The following PTPRZ1 variants were observed in gnomAD, a reference collection of about 807,000 sequenced individuals.
PTPRZ1 encodes the protein protein tyrosine phosphatase receptor type Z1.
Under a neutral mutation model 214.1 loss-of-function variants are expected in PTPRZ1, and 82 were observed. That is an observed-to-expected ratio of 0.38 (90% CI 0.32 to 0.46). PTPRZ1 has a LOEUF of 0.46. Ranked by LOEUF, PTPRZ1 falls within the 20% of genes least tolerant of loss-of-function variation. The pLI is 1.00. For synonymous variants in PTPRZ1, 945 were observed against 987.9 expected, an observed-to-expected ratio of 0.96 and a Z score of 0.81; for missense variants, 2,603 against 2,748.7, an observed-to-expected ratio of 0.95 and a Z score of 1.19.
chr7:121,873,317 C>CTCTCTCTGTCTCTGTCTCTG lies in PTPRZ1; in HGVS notation c.-176_-175insGTCTCTGTCTCTGTCTCTCT, dbSNP rs1793937297. 3 of 484,350 alleles carry CTCTCTCTGTCTCTGTCTCTG rather than the reference C, an allele frequency of 6.2e-6. No homozygotes were observed. Among genetic ancestry groups the CTCTCTCTGTCTCTGTCTCTG allele is most frequent in the South Asian group, 5.9e-5 (2 of 34,002 alleles). The allele number at this position is 484,350 out of a possible 1,614,324, so 30.0% of individuals were successfully genotyped here. On this transcript the variant is annotated 5_prime_UTR_variant, in exon 1 of 30. Transcript: ENST00000393386. ...TGTCTCTCTCTGTCTCTGTCTCTGT[C>CTCTCTCTGTCTCTGTCTCTG]TCTCTCTCTCTCACACACACACACA...
rs1798654013 is a variant in PTPRZ1, at chr7:122,011,258, G to A, written c.2212G>A (p.Val738Ile). The change falls in exon 12 of 30, where the codon GTC becomes ATC. Residue 738 changes from valine (V) to isoleucine (I), a missense_variant. Val to Ile is a conservative substitution (Grantham distance 29). Transcript: ENST00000393386. The stretch of plus-strand genomic sequence containing the variant: ...CCCATCCTCCAGACAACAGGATTTG[G>A]TCTCCACGGTCAACGTGGTATACTC... ...FTPSSRQQDL[V>I]STVNVVYSQT... 6.2e-7 allele frequency: 1 copy of A among 1,613,868 alleles called. No individual in the cohort carries two copies. The highest frequency in any genetic ancestry group is 1.7e-5 in the Admixed American group (1 of 59,986).
intron 14 of PTPRZ1, 63 bp from the exon 15 acceptor site, chr7:122,031,411 A>G (rs1799366096): frequency 1.8e-6 from 2 of 1,139,174 alleles, no homozygotes; most frequent in Non-Finnish European, 1.3e-6. Flanking sequence ...CTACTTTATA[A>G]GTGATAGGTA....
chr7:121,999,275 C>T (rs931292933), intron 10 of PTPRZ1, among the ~76,000 whole-genome samples: 4 of 152,058 alleles, frequency 2.6e-5, no homozygotes, highest in African/African-American at 7.2e-5. Flanking sequence ...CATTGTTTTT[C>T]AAAATCAGGT....
Position 121,997,967 on chromosome 7 carries a change from A to G in PTPRZ1, c.1201A>G (p.Ser401Gly). ...CACTAATGGCTTATATGGAAAATAC[A>G]GCGACCAACTGATTGTCGACATGCC... Reference protein sequence around the residue: ...ICTNGLYGKYSDQLIVDMPTD... With the variant: ...ICTNGLYGKYGDQLIVDMPTD... The change falls in exon 10 of 30, where the codon AGC becomes GGC. Residue 401 changes from serine (S) to glycine (G), a missense_variant. By Grantham distance (56) the Ser-to-Gly change is moderately conservative. This residue lies in a region of PTPRZ1 where 244 missense variants were observed against 333.2 expected (regional missense o/e 0.73). Transcript: ENST00000393386. 1 of 1,613,444 alleles carries G rather than the reference A, an allele frequency of 6.2e-7. No homozygotes were observed. Among genetic ancestry groups the G allele is most frequent in the Non-Finnish European group, 8.5e-7 (1 of 1,179,692 alleles).
At chr7:121,930,779 T>A (rs1404980523) in intron 2 of PTPRZ1, among the ~76,000 whole-genome samples, 2 of 152,210 alleles carry the variant, frequency 1.3e-5, no homozygotes, top group Non-Finnish European at 2.9e-5. Context: ...ACTTTACATC[T>A]GACAATTGTA....
rs1330654500 is a variant in PTPRZ1 at position 121,984,102 on chromosome 7, G to A, written c.913G>A (p.Glu305Lys). ...QVFSSYTGKE[E>K]IHEAVCSSEP... ...GTTTTCCTCATACACTGGAAAGGAA[G>A]AGATTCATGAAGCAGGTATGTATTT... Residue 305 changes from glutamate (E) to lysine (K), a missense_variant, in exon 8 of 30, where the codon GAG (glutamate) becomes AAG (lysine). Glu to Lys is a moderately conservative substitution (Grantham distance 56, BLOSUM62 1). Transcript: ENST00000393386. The A allele has an allele frequency of 1.9e-6, 3 of 1,612,596 alleles. No homozygotes were observed. Among genetic ancestry groups the A allele is most frequent in the Admixed American group, 1.7e-5 (1 of 59,848 alleles).
At chr7:121,995,052 C>T (rs1798090996) in intron 8 of PTPRZ1, among the ~76,000 whole-genome samples, 1 of 152,024 alleles carries the variant, frequency 6.6e-6, no homozygotes, top group South Asian at 2.1e-4. Context: ...ATATGCTATG[C>T]CATTGCTATC....
intron 14 of PTPRZ1, 150 bp downstream of exon 14, chr7:122,028,793 G>A: frequency 1.7e-6 from 1 of 602,154 alleles, no homozygotes; most frequent in Non-Finnish European, 2.9e-6. Context: ...ATTACATTAT[G>A]TTCCAGGTAC....
rs879716046 is a variant in PTPRZ1, at chr7:122,044,496, T to C, written c.6012T>C (p.His2004=). Residue 2004 remains histidine, a synonymous_variant, in exon 23 of 30, where the codon CAT becomes CAC. Coordinates refer to ENST00000393386, the MANE Select transcript of PTPRZ1 (RefSeq NM_002851.3). ...AAGAAACTGAGGTGCTGGACAGTCA[T>C]ATTCATGCCTATGTTAATGCACTCC... ...LSKETEVLDS[H]IHAYVNALLI... 5.1e-5 allele frequency: 83 copies of C among 1,613,800 alleles called. No homozygotes were observed. The highest frequency in any genetic ancestry group is 7.0e-5 in the Non-Finnish European group (82 of 1,179,838).
chr7:122,034,130 C>T lies in PTPRZ1; in HGVS notation c.5187+15C>T, dbSNP rs774929515. The T allele has an allele frequency of 1.6e-5, 25 of 1,591,362 alleles. No individual in the cohort carries two copies. In the South Asian group the frequency reaches 2.7e-4, roughly 17 times the overall value. The stretch of plus-strand genomic sequence containing the variant: ...AGTTTTACCAGGTAAGGCATTATTT[C>T]ACTGCATTTTCTTTTAGCCAAGAAG... On this transcript the variant is annotated intron_variant, in intron 16 of 29. Coordinates refer to ENST00000393386, the MANE Select transcript of PTPRZ1 (RefSeq NM_002851.3).
chr7:122,017,928 G>A (rs1584747324), intron 12 of PTPRZ1, among the ~76,000 whole-genome samples: 1 of 151,926 alleles, frequency 6.6e-6, no homozygotes, highest in African/African-American at 2.4e-5. Context: ...TATCACCCTT[G>A]ATCAACAGAA....
chr7:122,004,853 A>G (rs1238014145), intron 11 of PTPRZ1, among the ~76,000 whole-genome samples, 193 bp downstream of exon 11: 2 of 152,074 alleles, frequency 1.3e-5, no homozygotes, highest in East Asian at 3.8e-4. Context: ...AGAAGTTGAA[A>G]GATGTTTTGA....
intron 2 of PTPRZ1, among the ~76,000 whole-genome samples, chr7:121,938,120 G>C (rs917810766): frequency 2.0e-5 from 3 of 151,596 alleles, no homozygotes; most frequent in African/African-American, 4.9e-5. Flanking sequence ...TCTTCTGTTG[G>C]GGAAATATAA....
intron 27 of PTPRZ1, 87 bp from the exon 28 acceptor site, chr7:122,058,713 C>A: frequency 1.6e-6 from 2 of 1,228,440 alleles, no homozygotes; most frequent in Non-Finnish European, 2.3e-6. Flanking sequence ...GGTTTTATTA[C>A]CTTACTGTAA....
chr7:121,976,836 A>G lies in PTPRZ1; in HGVS notation c.604A>G (p.Ser202Gly). Residue 202 changes from serine (S) to glycine (G), a missense_variant, in exon 6 of 30, where the codon AGT becomes GGT. By Grantham distance (56) the Ser-to-Gly change is moderately conservative. Coordinates refer to ENST00000393386, the MANE Select transcript of PTPRZ1 (RefSeq NM_002851.3). Reference protein sequence around the residue: ...DFKAIIDGVESVSRFGKQAAL... With the variant: ...DFKAIIDGVEGVSRFGKQAAL... ...CAAAGCGATTATTGATGGAGTCGAA[A>G]GTGTTAGTCGTTTTGGTAAGCTACT... 1 of 1,611,088 alleles carries G rather than the reference A, an allele frequency of 6.2e-7. No homozygotes were observed. The highest frequency in any genetic ancestry group is 8.5e-7 in the Non-Finnish European group (1 of 1,178,452).
In PTPRZ1 at chr7:122,040,997, G is replaced by A. The variant is rs1286195168; in HGVS notation, c.5801+18G>A. The A allele has an allele frequency of 2.7e-6, 4 of 1,506,722 alleles. No individual in the cohort carries two copies. In the Admixed American group the frequency reaches 6.1e-5, roughly 23 times the overall value. The allele number at this position is 1,506,722 out of a possible 1,614,324, so 93.3% of individuals were successfully genotyped here. A position where few individuals can be genotyped will look rare whatever the true frequency, so the allele number is the denominator to read the frequency against. Reference sequence around the variant, plus strand: ...CACTGCAGGTGAGTCTCAGAGATGTGCCTCTAAACCCATAGAATTGCTTAT... The same window carrying A: ...CACTGCAGGTGAGTCTCAGAGATGTACCTCTAAACCCATAGAATTGCTTAT... On this transcript the variant is annotated intron_variant, in intron 21 of 29. Coordinates refer to ENST00000393386, the MANE Select transcript of PTPRZ1 (RefSeq NM_002851.3).
intron 1 of PTPRZ1, among the ~76,000 whole-genome samples, chr7:121,894,005 G>T (rs1794715163): frequency 6.6e-6 from 1 of 152,128 alleles, no homozygotes; most frequent in South Asian, 2.1e-4. Flanking sequence ...CTAGTAAATG[G>T]TTGATTGACA....
At position 121,968,113 on chromosome 7, in the gene PTPRZ1, A is replaced by G. The variant is rs748598885; in HGVS notation, c.287A>G (p.His96Arg). Residue 96 changes from histidine (H) to arginine (R), a missense_variant, in exon 3 of 30, where the codon CAT becomes CGT. His to Arg is a conservative substitution (Grantham distance 29). Transcript: ENST00000393386. ...ACATCATTGGAAAACACATTCATTC[A>G]TAACACTGGGAAAACAGGTAAAATA... Reference protein sequence around the residue: ...DKTSLENTFIHNTGKTVEINL... With the variant: ...DKTSLENTFIRNTGKTVEINL... 1.9e-6 allele frequency: 3 copies of G among 1,598,414 alleles called. No homozygotes were observed. The African/African-American group carries it at 4.1e-5, about 22-fold the overall frequency.
At chr7:121,979,231 C>A (rs1031112988) in intron 6 of PTPRZ1, among the ~76,000 whole-genome samples, 1 of 152,094 alleles carries the variant, frequency 6.6e-6, no homozygotes, top group African/African-American at 2.4e-5. Context: ...ATCCACCATA[C>A]CTACTCTATG....
Sources: allele counts gnomAD v4.1 joint callset (sites outside exome capture counted in the v4.1 genomes callset), GRCh38; gene constraint gnomAD v4.1.1; regional missense constraint gnomAD v4.1.1; transcripts MANE v1.5; gene names NCBI Gene and HGNC (gene_info 2026-07-23, HGNC 2026-07-21).